The following NSMCE2 variants were observed in gnomAD, a reference collection of about 807,000 sequenced individuals.
NSMCE2 encodes NSE2 SUMO ligase component of SMC5/6 complex.
In NSMCE2, 24 loss-of-function variants were observed where a neutral mutation model predicts 23.8. The ratio of observed to expected loss-of-function variants is 1.01; its 90% CI spans 0.73 to 1.42. The LOEUF is 1.42. Ranked by LOEUF, NSMCE2 falls within the 40% of genes most tolerant of loss-of-function variation. The probability of loss-of-function intolerance (pLI) is 0.00; values close to 1 mark genes in which losing one functional copy is unlikely to be tolerated. For synonymous variants in NSMCE2, 92 were observed against 94.1 expected (o/e 0.98, Z 0.13); for missense variants, 284 against 296.5 (o/e 0.96, Z 0.31).
chr8:125,141,737 C>T (rs1258769343), intron 3 of NSMCE2, among the ~76,000 whole-genome samples: 1 of 152,132 alleles, frequency 6.6e-6, no homozygotes, highest in Non-Finnish European at 1.5e-5. Context: ...TTAGCCTCTA[C>T]CCCAGTCCGG....
intron 5 of NSMCE2, among the ~76,000 whole-genome samples, chr8:125,325,685 C>T (rs547685832): frequency 3.9e-5 from 6 of 152,124 alleles, no homozygotes; most frequent in Admixed American, 1.3e-4. Context: ...GGTGCAGTGG[C>T]TCACACCTGT....
intron 4 of NSMCE2, among the ~76,000 whole-genome samples, chr8:125,171,165 T>C (rs1287977489): frequency 6.6e-6 from 1 of 152,208 alleles, no homozygotes; most frequent in East Asian, 1.9e-4. Flanking sequence ...AGCTCACTCA[T>C]TTCCACTCTG....
chr8:125,115,446 A>G (rs1469169141), intron 3 of NSMCE2, among the ~76,000 whole-genome samples: 3 of 152,216 alleles, frequency 2.0e-5, no homozygotes, highest in Non-Finnish European at 4.4e-5. Context: ...AATATGTGAA[A>G]GATGTTTCTA....
intron 7 of NSMCE2, among the ~76,000 whole-genome samples, chr8:125,362,066 C>T (rs540444498): frequency 3.9e-5 from 6 of 152,344 alleles, no homozygotes; most frequent in Admixed American, 3.3e-4. Context: ...GCGAAATGCT[C>T]TGCCCGGGTA....
chr8:125,126,245 A>G (rs992250044), intron 3 of NSMCE2, among the ~76,000 whole-genome samples: 1 of 151,840 alleles, frequency 6.6e-6, no homozygotes, highest in South Asian at 2.1e-4. Flanking sequence ...TTAAGCTGGC[A>G]TGGTGGTGGG....
intron 3 of NSMCE2, among the ~76,000 whole-genome samples, chr8:125,123,581 CAT>C (rs1380555050): frequency 2.0e-5 from 3 of 152,262 alleles, no homozygotes; most frequent in Admixed American, 6.5e-5. Flanking sequence ...TGCTAACCCA[CAT>C]GTGTACATGC....
intron 5 of NSMCE2, among the ~76,000 whole-genome samples, chr8:125,227,933 T>C (rs1208494264): frequency 6.6e-6 from 1 of 152,160 alleles, no homozygotes; most frequent in Non-Finnish European, 1.5e-5. Context: ...TTAAATTGAT[T>C]TCTAATATTT....
At chr8:125,142,852 T>G (rs909476486) in intron 3 of NSMCE2, among the ~76,000 whole-genome samples, 1 of 152,184 alleles carries the variant, frequency 6.6e-6, no homozygotes, top group Non-Finnish European at 1.5e-5. Context: ...TCCACCCGCC[T>G]CAGCCTCCCA....
At chr8:125,122,281 G>T (rs1819306027) in intron 3 of NSMCE2, among the ~76,000 whole-genome samples, 1 of 151,002 alleles carries the variant, frequency 6.6e-6, no homozygotes. Flanking sequence ...TACTAGGATT[G>T]TAAGTCTTGA....
chr8:125,272,844 T>TAC (rs1371411543), intron 5 of NSMCE2, among the ~76,000 whole-genome samples: 3 of 35,820 alleles, frequency 8.4e-5, no homozygotes, highest in African/African-American at 2.8e-4. Context: ...TACACACGTA[T>TAC]ATACACACAC....
intron 4 of NSMCE2, among the ~76,000 whole-genome samples, chr8:125,154,992 C>T (rs980509749): frequency 6.6e-6 from 1 of 152,108 alleles, no homozygotes; most frequent in Non-Finnish European, 1.5e-5. Flanking sequence ...TGAATAAATA[C>T]TCAAATAAAT....
At chr8:125,261,726 A>C (rs2131050446) in intron 5 of NSMCE2, among the ~76,000 whole-genome samples, 1 of 152,066 alleles carries the variant, frequency 6.6e-6, no homozygotes, top group South Asian at 2.1e-4. Flanking sequence ...TTTGGTTAAA[A>C]GCTAATCATG....
intron 5 of NSMCE2, among the ~76,000 whole-genome samples, chr8:125,242,747 G>C (rs1172965220): frequency 1.3e-5 from 2 of 152,108 alleles, no homozygotes. Context: ...TAATTACATA[G>C]GTACTAGAGA....
chr8:125,125,159 G>T (rs572676640), intron 3 of NSMCE2, among the ~76,000 whole-genome samples: 1 of 151,770 alleles, frequency 6.6e-6, no homozygotes, highest in Non-Finnish European at 1.5e-5. Context: ...CAATCTGGAT[G>T]CCCTTTATTT....
chr8:125,185,392 T>C lies in NSMCE2; in HGVS notation c.418+3136T>C, dbSNP rs182156957. On this transcript the variant is annotated intron_variant, in intron 5 of 7. Transcript: ENST00000287437. ...TGCAACCCTGGCTCACTTCAACCTC[T>C]GCCTCCCAGGTTCAAGTGATTCTCC... 3.3e-4 allele frequency among the ~76,000 whole-genome samples: 50 copies of C among 152,278 alleles called. No individual in the cohort carries two copies. The East Asian group carries it at 7.5e-3, about 23-fold the overall frequency.
chr8:125,293,849 AG>A (rs1431442309), intron 5 of NSMCE2, among the ~76,000 whole-genome samples: 1 of 152,256 alleles, frequency 6.6e-6, no homozygotes, highest in Non-Finnish European at 1.5e-5. Flanking sequence ...TAAAGTGTGC[AG>A]TAGACTGGGT....
chr8:125,343,630 C>A (rs1274267928), intron 5 of NSMCE2, among the ~76,000 whole-genome samples: 1 of 151,598 alleles, frequency 6.6e-6, no homozygotes, highest in African/African-American at 2.4e-5. Flanking sequence ...CAGAGCAAGA[C>A]CCTGTCTAAA....
chr8:125,187,990 C>T (rs181700558), intron 5 of NSMCE2, among the ~76,000 whole-genome samples: 58 of 152,222 alleles, frequency 3.8e-4, no homozygotes, highest in African/African-American at 1.3e-3. Context: ...ATTGCAGCTA[C>T]AAGTGAAGGT....
chr8:125,333,527 T>TTTG (rs1829959362), intron 5 of NSMCE2, among the ~76,000 whole-genome samples: 1 of 122,796 alleles, frequency 8.1e-6, no homozygotes, highest in African/African-American at 3.3e-5. Context: ...TTTTTTTTTT[T>TTTG]TTTTTGAGAC....
Sources: gnomAD v4.1 joint callset for allele counts (sites outside exome capture counted in the v4.1 genomes callset) on GRCh38, gnomAD v4.1.1 for gene constraint, MANE v1.5 for transcripts, NCBI Gene and HGNC (gene_info 2026-07-23, HGNC 2026-07-21) for gene names.